Variants in SPATA13 observed in about 807,000 individuals in gnomAD.
SPATA13 encodes the protein spermatogenesis associated 13.
A neutral mutation model predicts 104.0 loss-of-function variants in SPATA13; 50 were observed. The observed-to-expected ratio is 0.48, with a 90% confidence interval of 0.38 to 0.61. SPATA13 has a LOEUF of 0.61. Ranked by LOEUF, SPATA13 falls within the 20% of genes least tolerant of loss-of-function variation. SPATA13 has a pLI of 0.00. For missense variants in SPATA13, 1,524 were observed against 1,690.6 expected, an observed-to-expected ratio of 0.90 and a Z score of 1.73; for synonymous variants, 606 against 667.5, an observed-to-expected ratio of 0.91 and a Z score of 1.42.
rs1003496310 is a variant in SPATA13, at chr13:24,122,474, T to C, written c.-111-100345T>C. 95 of 1,608,438 alleles carry C rather than the reference T, an allele frequency of 5.9e-5. 1 individual carries two copies. In the African/African-American group the frequency reaches 1.2e-3, roughly 20 times the overall value. On this transcript the variant is annotated intron_variant, in intron 3 of 14. Transcript: ENST00000424834. ...TCTTCACCAGCCTGCTTAGCCAGAA[T>C]CTCCAAATATTCTTGCCCATCTTCA...
chr13:24,122,314 A>G (rs1463071488), intron 3 of SPATA13: 50 of 1,407,798 alleles, frequency 3.6e-5, no homozygotes, highest in Non-Finnish European at 5.0e-5. Context: ...CAAACTATCG[A>G]TTTGAATAGT....
At position 24,037,608 on chromosome 13, in the gene SPATA13, C is replaced by T. The variant is rs541188394; in HGVS notation, c.-112+19907C>T. ...TATTTTTAGTAGAGATGGAGTTTCA[C>T]CATGTTGGCCACGGTGGTCTCAATC... On this transcript the variant is annotated intron_variant, in intron 3 of 14. Transcript: ENST00000424834. 7.9e-5 allele frequency among the ~76,000 whole-genome samples: 12 copies of T among 152,108 alleles called. No homozygotes were observed. In the East Asian group the frequency reaches 2.1e-3, roughly 27 times the overall value.
chr13:24,138,339 T>C (rs1032888199), intron 3 of SPATA13, among the ~76,000 whole-genome samples: 2 of 151,932 alleles, frequency 1.3e-5, no homozygotes, highest in African/African-American at 4.8e-5. Context: ...ACTGAATTAG[T>C]ATTATTAAAT....
intron 3 of SPATA13, among the ~76,000 whole-genome samples, chr13:24,148,411 G>A (rs1430677036): frequency 6.6e-6 from 1 of 152,072 alleles, no homozygotes; most frequent in East Asian, 1.9e-4. Flanking sequence ...AGCAGAAATG[G>A]CCATAGGGTT....
chr13:24,134,956 A>C (rs1881510750), intron 3 of SPATA13, among the ~76,000 whole-genome samples: 1 of 152,218 alleles, frequency 6.6e-6, no homozygotes, highest in Non-Finnish European at 1.5e-5. Flanking sequence ...TCCTTAAAAA[A>C]GTGGAGACTT....
intron 2 of SPATA13, among the ~76,000 whole-genome samples, chr13:23,997,843 G>T (rs1875769067): frequency 1.3e-5 from 2 of 152,070 alleles, no homozygotes; most frequent in Non-Finnish European, 2.9e-5. Context: ...ACTCATGAGG[G>T]ATCCACCCTC....
chr13:24,068,804 A>C (rs1280130624), intron 3 of SPATA13, among the ~76,000 whole-genome samples: 1 of 152,118 alleles, frequency 6.6e-6, no homozygotes, highest in Admixed American at 6.5e-5. Flanking sequence ...TGTTGGCCGC[A>C]TGTATGTCTT....
At chr13:24,270,981 G>A in intron 4 of SPATA13, 1 of 1,163,398 alleles carries the variant, frequency 8.6e-7, no homozygotes, top group Non-Finnish European at 1.3e-6. Flanking sequence ...TTCCCAAGTT[G>A]CAGTTCTTCC....
At chr13:24,298,359 C>T (rs1876940713) in intron 11 of SPATA13, among the ~76,000 whole-genome samples, 2 of 152,212 alleles carry the variant, frequency 1.3e-5, no homozygotes, top group Non-Finnish European at 2.9e-5. Flanking sequence ...GATGCCGCAT[C>T]GTCCATTGCA....
intron 3 of SPATA13, among the ~76,000 whole-genome samples, chr13:24,146,473 G>A (rs1434725673): frequency 6.6e-6 from 1 of 152,186 alleles, no homozygotes; most frequent in African/African-American, 2.4e-5. Context: ...ATAGGAATTG[G>A]TAACTAAAAT....
chr13:24,265,097 C>T (rs1037462841), intron 4 of SPATA13, among the ~76,000 whole-genome samples: 5 of 152,174 alleles, frequency 3.3e-5, no homozygotes, highest in Admixed American at 6.5e-5. Flanking sequence ...TGAAGCAGGC[C>T]GGGGCGAGTC....
intron 4 of SPATA13, among the ~76,000 whole-genome samples, chr13:24,261,140 C>T (rs2138679393): frequency 6.6e-6 from 1 of 152,310 alleles, no homozygotes; most frequent in South Asian, 2.1e-4. Flanking sequence ...ATCAGATGTG[C>T]ATTCAGAGAG....
intron 2 of SPATA13, among the ~76,000 whole-genome samples, chr13:24,014,258 G>C (rs1470098870): frequency 1.3e-5 from 2 of 152,092 alleles, no homozygotes; most frequent in Admixed American, 6.5e-5. Flanking sequence ...TTTCCATTAG[G>C]ACACAAGTCA....
At chr13:24,118,363 A>G (rs2137821349) in intron 3 of SPATA13, among the ~76,000 whole-genome samples, 1 of 152,350 alleles carries the variant, frequency 6.6e-6, no homozygotes, top group Middle Eastern at 3.4e-3. Context: ...GCTGAAAATT[A>G]CAAAACTACT....
At chr13:24,177,329 T>A (rs1486949111) in intron 1 of SPATA13, among the ~76,000 whole-genome samples, 1 of 152,206 alleles carries the variant, frequency 6.6e-6, no homozygotes, top group Non-Finnish European at 1.5e-5. Flanking sequence ...ATTATAAATT[T>A]ATTTCTTACA....
intron 3 of SPATA13, among the ~76,000 whole-genome samples, chr13:24,139,815 C>T (rs566248877): frequency 2.0e-5 from 3 of 152,118 alleles, no homozygotes; most frequent in African/African-American, 7.2e-5. Context: ...CGTCTGTAAT[C>T]CCAGCACTTT....
rs1447372272 is a variant in SPATA13, at chr13:24,205,781, A to G, written c.-111-17038A>G. 6.6e-6 allele frequency among the ~76,000 whole-genome samples: 1 copy of G among 152,160 alleles called. No individual in the cohort carries two copies. Among genetic ancestry groups the G allele is most frequent in the Non-Finnish European group, 1.5e-5 (1 of 68,026 alleles). ...ATAGAGAACCCAGAAATAAGATCAC[A>G]CACCTACAACTATCTGACCTTTGAC... On this transcript the variant is annotated intron_variant, in intron 1 of 12. Coordinates refer to ENST00000382108, the MANE Select transcript of SPATA13 (RefSeq NM_001166271.3). This position sits in a 1 kb window ranked among gnomAD's most constrained non-coding sequence, Gnocchi z 4.1.
chr13:24,215,146 C>G (rs1297987768), intron 1 of SPATA13, among the ~76,000 whole-genome samples: 1 of 152,028 alleles, frequency 6.6e-6, no homozygotes, highest in African/African-American at 2.4e-5. Flanking sequence ...TCCAGGGACC[C>G]CTGTTCAGGA....
At chr13:24,038,872 C>A (rs976223615) in intron 3 of SPATA13, among the ~76,000 whole-genome samples, 32 of 152,184 alleles carry the variant, frequency 2.1e-4, no homozygotes, top group African/African-American at 7.2e-4. Context: ...TGCATTCCAC[C>A]AATCATAGGT....
Sources: gnomAD v4.1 joint callset for allele counts (sites outside exome capture counted in the v4.1 genomes callset) on GRCh38, gnomAD v4.1.1 for gene constraint, Gnocchi (gnomAD v3.1) non-coding constraint, MANE v1.5 for transcripts, NCBI Gene and HGNC (gene_info 2026-07-23, HGNC 2026-07-21) for gene names.